The following RMND5A variants were observed in gnomAD, a reference collection of about 807,000 sequenced individuals.
RMND5A encodes required for meiotic nuclear division 5 homolog A.
In RMND5A, 17 loss-of-function variants were observed where a neutral mutation model predicts 49.7. The ratio of observed to expected loss-of-function variants is 0.34; its 90% CI spans 0.23 to 0.51. RMND5A has a LOEUF of 0.51. Among genes scored for constraint, RMND5A ranks in the 20% least tolerant of loss-of-function variants. The pLI, the probability that RMND5A is intolerant of heterozygous loss-of-function variation, is 0.96. For synonymous variants in RMND5A, 156 were observed against 167.7 expected (o/e 0.93, Z 0.54); for missense variants, 255 against 471.3 (o/e 0.54, Z 4.25).
At chr2:86,750,317 CCCT>C (rs1175604858) in intron 2 of RMND5A, among the ~76,000 whole-genome samples, 1 of 152,184 alleles carries the variant, frequency 6.6e-6, no homozygotes, top group Non-Finnish European at 1.5e-5. Flanking sequence ...AATTCAGTTT[CCCT>C]CCGTCTGAGA....
At chr2:86,764,075 A>G (rs1353554672) in intron 4 of RMND5A, among the ~76,000 whole-genome samples, 1 of 152,178 alleles carries the variant, frequency 6.6e-6, no homozygotes, top group South Asian at 2.1e-4. Context: ...TCCAATCTCA[A>G]TCAGCAAATT....
rs550283294 is a variant in RMND5A at position 86,751,955 on chromosome 2, A to G, written c.345A>G (p.Gln115=). The G allele has an allele frequency of 2.5e-6, 4 of 1,613,992 alleles. No individual in the cohort carries two copies. Among genetic ancestry groups the G allele is most frequent in the African/African-American group, 1.3e-5 (1 of 75,036 alleles). The change falls in exon 3 of 9, where the codon CAA becomes CAG. Residue 115 remains glutamine, a synonymous_variant. Coordinates refer to ENST00000283632, the MANE Select transcript of RMND5A (RefSeq NM_022780.4). ...GIDGCWQADS[Q]RLLNEVMVEH... is the part of the protein sequence containing the mutation. ...ATGGCTGCTGGCAGGCAGACAGCCA[A>G]AGGCTTCTCAATGAGGTGATGGTGG...
In RMND5A at chr2:86,729,751, G is replaced by A. The variant is rs1410856594; in HGVS notation, c.142+8942G>A. ...AAGGACCAGATTGCAGGGGAAAGGCGATAAGAGCATTAAAATTAAATTGGA... is the reference window on the plus strand; with the variant it reads ...AAGGACCAGATTGCAGGGGAAAGGCAATAAGAGCATTAAAATTAAATTGGA... On this transcript the variant is annotated intron_variant, in intron 1 of 8. Coordinates refer to ENST00000283632, the MANE Select transcript of RMND5A (RefSeq NM_022780.4). 3.7e-5 allele frequency among the ~76,000 whole-genome samples: 3 copies of A among 80,898 alleles called. 1 individual carries two copies. The highest frequency in any genetic ancestry group is 5.7e-5 in the Non-Finnish European group (2 of 35,152). 53.1% of individuals were successfully genotyped at this position (80,898 alleles called of 152,430 possible).
chr2:86,765,609 G>A (rs1221361944), intron 5 of RMND5A: 4 of 420,110 alleles, frequency 9.5e-6, no homozygotes, highest in African/African-American at 8.1e-5. Context: ...CTAGGTAATG[G>A]TAATTATACT....
intron 1 of RMND5A, among the ~76,000 whole-genome samples, chr2:86,721,850 T>TA (rs1410601870): frequency 2.1e-5 from 3 of 145,660 alleles, no homozygotes; most frequent in Non-Finnish European, 4.5e-5. Context: ...ATGAGGGCAG[T>TA]GGCGTTAGCT....
At chr2:86,759,967 T>C (rs912173855) in intron 4 of RMND5A, among the ~76,000 whole-genome samples, 1 of 152,200 alleles carries the variant, frequency 6.6e-6, no homozygotes, top group African/African-American at 2.4e-5. Context: ...TCTTTCCTCA[T>C]TATATCAGTC....
intron 4 of RMND5A, among the ~76,000 whole-genome samples, chr2:86,759,025 T>C (rs1238148878): frequency 1.3e-5 from 2 of 152,208 alleles, no homozygotes; most frequent in African/African-American, 4.8e-5. Context: ...AAGAGGTTTT[T>C]GTAAGCCTTT....
At chr2:86,743,106 C>T (rs1475771592) in intron 2 of RMND5A, among the ~76,000 whole-genome samples, 3 of 152,140 alleles carry the variant, frequency 2.0e-5, no homozygotes, top group Non-Finnish European at 4.4e-5. Context: ...TGGTGCCTGG[C>T]TGAGCATCTC....
chr2:86,750,377 T>A (rs2104396045), intron 2 of RMND5A, among the ~76,000 whole-genome samples: 1 of 152,350 alleles, frequency 6.6e-6, no homozygotes, highest in East Asian at 1.9e-4. Context: ...TCACTGGATA[T>A]AGAATTCTAG....
intron 1 of RMND5A, 22 bp downstream of exon 1, chr2:86,720,831 C>T (rs1312685017): frequency 6.4e-7 from 1 of 1,563,874 alleles, no homozygotes; most frequent in Non-Finnish European, 8.6e-7. Flanking sequence ...CGCGTGGGCG[C>T]GCGGGGCATG....
chr2:86,757,308 G>C (rs2104401396), intron 4 of RMND5A, among the ~76,000 whole-genome samples: 1 of 151,946 alleles, frequency 6.6e-6, no homozygotes, highest in Admixed American at 6.6e-5. Flanking sequence ...TCAGGACCTT[G>C]CCTGCTCCTG....
At chr2:86,746,945 G>A (rs1395029442) in intron 2 of RMND5A, among the ~76,000 whole-genome samples, 2 of 152,316 alleles carry the variant, frequency 1.3e-5, no homozygotes, top group Non-Finnish European at 1.5e-5. Flanking sequence ...ATCAAAAAAT[G>A]CATCTACAAA....
Position 86,776,483 on chromosome 2 carries a change from G to A in RMND5A, c.*3072G>A, listed in dbSNP as rs1317637737. On this transcript the variant is annotated 3_prime_UTR_variant, in exon 9 of 9. Coordinates refer to ENST00000283632, the MANE Select transcript of RMND5A (RefSeq NM_022780.4). Reference sequence around the variant, plus strand: ...CCACACCACATTTTGTGGGAAATGAGGATCCTGATCCTCTTTTGTCCTCTC... The same window carrying A: ...CCACACCACATTTTGTGGGAAATGAAGATCCTGATCCTCTTTTGTCCTCTC... 3 of 152,162 alleles carry A rather than the reference G, an allele frequency of 2.0e-5. No individual in the cohort carries two copies. Among genetic ancestry groups the A allele is most frequent in the African/African-American group, 7.2e-5 (3 of 41,438 alleles). The allele number at this position is 152,162 out of a possible 1,614,324, so 9.4% of individuals were successfully genotyped here.
chr2:86,766,633 C>T lies in RMND5A; in HGVS notation c.854+609C>T, dbSNP rs1265937298. Among the ~76,000 whole-genome samples the T allele has an allele frequency of 9.9e-5, 14 of 141,408 alleles. No homozygotes were observed. The South Asian group carries it at 3.2e-3, about 32-fold the overall frequency. 92.8% of individuals were successfully genotyped at this position (141,408 alleles called of 152,430 possible). On this transcript the variant is annotated intron_variant, in intron 6 of 8. Transcript: ENST00000283632. Reference sequence around the variant, plus strand: ...GAGCCAAGATTGCACCATTGCACTCCAGCCCGTGCAACAATGCGAGACTGT... The same window carrying T: ...GAGCCAAGATTGCACCATTGCACTCTAGCCCGTGCAACAATGCGAGACTGT...
chr2:86,747,387 C>T (rs1277307977), intron 2 of RMND5A, among the ~76,000 whole-genome samples: 1 of 152,210 alleles, frequency 6.6e-6, no homozygotes, highest in African/African-American at 2.4e-5. Flanking sequence ...TTGTTTCAAA[C>T]TCTTCTGAAT....
chr2:86,770,786 G>T (rs1672673392), intron 7 of RMND5A, among the ~76,000 whole-genome samples: 1 of 152,180 alleles, frequency 6.6e-6, no homozygotes, highest in Non-Finnish European at 1.5e-5. Context: ...TACATGGTAG[G>T]CACTCAAATT....
At chr2:86,762,801 G>A (rs1359636021) in intron 4 of RMND5A, among the ~76,000 whole-genome samples, 1 of 150,740 alleles carries the variant, frequency 6.6e-6, no homozygotes, top group Non-Finnish European at 1.5e-5. Flanking sequence ...AGCACTTTGG[G>A]AGGCCAAGGC....
In RMND5A at chr2:86,736,481, G is replaced by A. The variant is rs1299703248; in HGVS notation, c.143-4446G>A. ...TTACAGGCTTGAACCACTGCATTTGGCTCATTTGAATTAGTTTTTATATAT... is the reference window on the plus strand; with the variant it reads ...TTACAGGCTTGAACCACTGCATTTGACTCATTTGAATTAGTTTTTATATAT... On this transcript the variant is annotated intron_variant, in intron 1 of 8. Transcript: ENST00000283632. Among the ~76,000 whole-genome samples the A allele has an allele frequency of 5.7e-5, 4 of 70,068 alleles. 1 individual carries two copies. Among genetic ancestry groups the A allele is most frequent in the African/African-American group, 2.6e-4 (4 of 15,340 alleles). 46.0% of individuals were successfully genotyped at this position (70,068 alleles called of 152,430 possible).
Position 86,764,091 on chromosome 2 carries a change from T to C in RMND5A, c.522-936T>C, listed in dbSNP as rs1204274388. On this transcript the variant is annotated intron_variant, in intron 4 of 8. Transcript: ENST00000283632. The stretch of plus-strand genomic sequence containing the variant: ...CCAATCTCAATCAGCAAATTCATTA[T>C]AAATAATTTGAAAGATTTTACTCTT... Among the ~76,000 whole-genome samples the C allele has an allele frequency of 3.3e-5, 5 of 152,372 alleles. No individual in the cohort carries two copies. The South Asian group carries it at 6.2e-4, about 19-fold the overall frequency.
Sources: gnomAD v4.1 joint callset for allele counts (sites outside exome capture counted in the v4.1 genomes callset) on GRCh38, gnomAD v4.1.1 for gene constraint, MANE v1.5 for transcripts, NCBI Gene and HGNC (gene_info 2026-07-23, HGNC 2026-07-21) for gene names.